The following ADAMTS6 variants were observed in gnomAD, a reference collection of about 807,000 sequenced individuals.
ADAMTS6 encodes ADAM metallopeptidase with thrombospondin type 1 motif 6.
ADAMTS6 carries 23 observed loss-of-function variants against 144.3 expected under a neutral mutation model. The observed-to-expected ratio is 0.16, with a 90% CI of 0.11 to 0.23. The LOEUF (loss-of-function observed/expected upper bound fraction) is 0.23. ADAMTS6 is among the 10% of genes least tolerant of loss of function. The probability of loss-of-function intolerance (pLI) is 1.00; values close to 1 mark genes in which losing one functional copy is unlikely to be tolerated. For synonymous variants in ADAMTS6, 444 were observed against 457.5 expected (o/e 0.97, Z 0.38); for missense variants, 999 against 1,379.6 (o/e 0.72, Z 4.37).
chr5:65,196,957 T>A (rs139616841), intron 21 of ADAMTS6, 65 bp downstream of exon 21: 15,905 of 1,554,826 alleles, frequency 0.01, 100 homozygotes, highest in Middle Eastern at 0.014. Context: ...TTTCCAAACA[T>A]GAATACATAA....
intron 7 of ADAMTS6, among the ~76,000 whole-genome samples, chr5:65,418,570 GT>G (rs937242144): frequency 1.4e-4 from 21 of 151,766 alleles, no homozygotes; most frequent in Non-Finnish European, 1.9e-4. Context: ...AATTGTCTGG[GT>G]TTTTTTTAAA....
chr5:65,166,059 A>G (rs1004747112), intron 24 of ADAMTS6, among the ~76,000 whole-genome samples: 2 of 146,586 alleles, frequency 1.4e-5, no homozygotes, highest in Admixed American at 1.4e-4. Flanking sequence ...AATGGACTAA[A>G]TTCTCCAATT....
chr5:65,334,002 A>G (rs1048962627), intron 8 of ADAMTS6, 40 bp downstream of exon 8: 1 of 1,109,496 alleles, frequency 9.0e-7, no homozygotes, highest in Non-Finnish European at 1.2e-6. Context: ...TTTATTAAAA[A>G]AAAAAAAAAA....
chr5:65,468,436 C>CA (rs60362335), intron 3 of ADAMTS6, among the ~76,000 whole-genome samples: 1,370 of 70,184 alleles, frequency 0.02, 11 homozygotes, highest in African/African-American at 0.023. Flanking sequence ...GACCCTGTCT[C>CA]AAAAAAAAAA....
intron 7 of ADAMTS6, among the ~76,000 whole-genome samples, chr5:65,359,632 A>G (rs563909763): frequency 2.3e-4 from 35 of 152,344 alleles, no homozygotes; most frequent in African/African-American, 8.4e-4. Flanking sequence ...ATCTATGATT[A>G]ATGGATAATG....
chr5:65,354,495 A>T (rs1424785459), intron 7 of ADAMTS6, among the ~76,000 whole-genome samples: 1 of 151,854 alleles, frequency 6.6e-6, no homozygotes, highest in Non-Finnish European at 1.5e-5. Context: ...AATATTTTTG[A>T]CATTTTAATT....
At chr5:65,322,265 C>T (rs954345613) in intron 9 of ADAMTS6, among the ~76,000 whole-genome samples, 3 of 152,186 alleles carry the variant, frequency 2.0e-5, no homozygotes, top group Admixed American at 6.5e-5. Context: ...GTTTTGGTTA[C>T]TGTAGCCCTG....
At chr5:65,160,714 G>T (rs1346845503) in intron 24 of ADAMTS6, among the ~76,000 whole-genome samples, 2 of 147,954 alleles carry the variant, frequency 1.4e-5, no homozygotes, top group African/African-American at 5.0e-5. Context: ...GTGCAATGGC[G>T]TGATCTCAGC....
At chr5:65,469,646 G>A (rs1361855116) in intron 3 of ADAMTS6, among the ~76,000 whole-genome samples, 1 of 152,020 alleles carries the variant, frequency 6.6e-6, no homozygotes, top group African/African-American at 2.4e-5. Flanking sequence ...AAATATTTTG[G>A]TTCATTTTAC....
At chr5:65,366,949 T>C (rs1431474665) in intron 7 of ADAMTS6, among the ~76,000 whole-genome samples, 1 of 152,200 alleles carries the variant, frequency 6.6e-6, no homozygotes, top group East Asian at 1.9e-4. Context: ...GACTCTGTGC[T>C]TTCTGAGCTC....
chr5:65,157,232 C>G (rs1417059406), intron 24 of ADAMTS6, among the ~76,000 whole-genome samples: 1 of 152,206 alleles, frequency 6.6e-6, no homozygotes, highest in Non-Finnish European at 1.5e-5. Flanking sequence ...ACACATGAAT[C>G]TACTTAACAT....
At position 65,270,587 on chromosome 5, in the gene ADAMTS6, C is replaced by T. The variant is rs115694399; in HGVS notation, c.1620+2753G>A. ...CTCTATCCTTTTCCTTTCTAGGAAT[C>T]TGCATTTGTATTTTTTTCATTCATT... On this transcript the variant is annotated intron_variant, in intron 12 of 24. Coordinates refer to ENST00000381055, the MANE Select transcript of ADAMTS6 (RefSeq NM_197941.4). Among the ~76,000 whole-genome samples, 1,340 of 152,240 alleles carry T rather than the reference C, an allele frequency of 8.8e-3. 22 individuals are homozygous for T. The highest frequency in any genetic ancestry group is 0.03 in the African/African-American group (1,250 of 41,546).
chr5:65,267,113 C>A (rs1162607171), intron 12 of ADAMTS6, among the ~76,000 whole-genome samples: 1 of 139,526 alleles, frequency 7.2e-6, no homozygotes, highest in Non-Finnish European at 1.6e-5. Flanking sequence ...GAGTGTTGTG[C>A]CATCTGTTTT....
chr5:65,333,912 A>T, intron 8 of ADAMTS6, 130 bp downstream of exon 8: 3 of 1,042,878 alleles, frequency 2.9e-6, no homozygotes, highest in Non-Finnish European at 3.8e-6. Flanking sequence ...AGGATTTCAG[A>T]TGTACAGAAA....
At chr5:65,421,086 T>C (rs570944441) in intron 7 of ADAMTS6, among the ~76,000 whole-genome samples, 32 of 152,344 alleles carry the variant, frequency 2.1e-4, no homozygotes, top group Admixed American at 7.2e-4. Flanking sequence ...TATTGAGATA[T>C]GAGGTACTGT....
At chr5:65,159,079 C>T (rs73103472) in intron 24 of ADAMTS6, among the ~76,000 whole-genome samples, 4,718 of 152,162 alleles carry the variant, frequency 0.031, 232 homozygotes, top group African/African-American at 0.11. Context: ...TCATCCTGAA[C>T]GCCTCCATAT....
intron 7 of ADAMTS6, among the ~76,000 whole-genome samples, chr5:65,344,059 TC>T (rs1748097319): frequency 6.6e-6 from 1 of 151,998 alleles, no homozygotes; most frequent in Admixed American, 6.6e-5. Context: ...AGTTTTACAT[TC>T]ATTCTAATAT....
At chr5:65,427,288 AATTTT>A in intron 7 of ADAMTS6, among the ~76,000 whole-genome samples, 1 of 151,948 alleles carries the variant, frequency 6.6e-6, no homozygotes, top group East Asian at 1.9e-4. Context: ...TCAATCACTT[AATTTT>A]ATTTTATTAT....
intron 7 of ADAMTS6, among the ~76,000 whole-genome samples, chr5:65,435,650 G>A (rs1339634284): frequency 2.0e-5 from 3 of 150,752 alleles, no homozygotes; most frequent in African/African-American, 2.4e-5. Context: ...TTTTGAGACA[G>A]AGTCTTGCTC....
Sources: allele counts gnomAD v4.1 joint callset (sites outside exome capture counted in the v4.1 genomes callset), GRCh38; gene constraint gnomAD v4.1.1; transcripts MANE v1.5; gene names NCBI Gene and HGNC (gene_info 2026-07-23, HGNC 2026-07-21).